Variants in RIF1 observed in about 807,000 individuals in gnomAD.
RIF1 encodes replication timing regulatory factor 1, also known as telomere-associated protein RIF1.
RIF1 carries 45 observed loss-of-function variants against 247.1 expected under a neutral mutation model. The ratio of observed to expected loss-of-function variants is 0.18; its 90% CI spans 0.14 to 0.23. The LOEUF is 0.23. Among genes scored for constraint, RIF1 ranks in the 10% least tolerant of loss-of-function variants. The pLI, the probability that RIF1 is intolerant of heterozygous loss-of-function variation, is 1.00. For missense variants in RIF1, 2,967 were observed against 2,862.5 expected, an observed-to-expected ratio of 1.04 and a Z score of -0.83; for synonymous variants, 1,087 against 978.8, an observed-to-expected ratio of 1.11 and a Z score of -2.06.
rs556224656 is a variant in RIF1, at chr2:151,491,680, C to T, written c.*416-3549C>T. 3.5e-5 allele frequency: 56 copies of T among 1,580,258 alleles called. No individual in the cohort carries two copies. The South Asian group carries it at 5.6e-4, about 16-fold the overall frequency. On this transcript the variant is annotated intron_variant and NMD_transcript_variant, in intron 9 of 13. Coordinates refer to the RIF1 transcript ENST00000454583. ...TGTTGTAAGCCTTTTTCAGCTAACA[C>T]ACCATTAATCATGTGTAAGCTTCGG...
At chr2:151,517,481 G>A in the RIF1 span, among the ~76,000 whole-genome samples, 2 of 152,214 alleles carry the variant, frequency 1.3e-5, no homozygotes, top group African/African-American at 4.8e-5. Context: ...TCATGTGATA[G>A]TAAGTTCTTT....
At chr2:151,533,507 C>G in the RIF1 span, 1 of 1,551,440 alleles carries the variant, frequency 6.4e-7, no homozygotes, top group East Asian at 2.4e-5. Flanking sequence ...TCATTACATC[C>G]ATGTTGCAGA....
chr2:151,512,886 C>G, downstream of RIF1: 1 of 1,283,584 alleles, frequency 7.8e-7, no homozygotes. Flanking sequence ...ATGTGCACAA[C>G]AGTTGTTGGC....
In RIF1 at chr2:151,480,936, G is replaced by T. The variant is rs1406016315; in HGVS notation, c.*5865G>T. 6.7e-6 allele frequency: 1 copy of T among 149,696 alleles called. No homozygotes were observed. Among genetic ancestry groups the T allele is most frequent in the Non-Finnish European group, 1.5e-5 (1 of 67,484 alleles). The allele number at this position is 149,696 out of a possible 1,614,324, so 9.3% of individuals were successfully genotyped here. A position where few individuals can be genotyped will look rare whatever the true frequency, so the allele number is the denominator to read the frequency against. On this transcript the variant is annotated 3_prime_UTR_variant, in exon 36 of 36. Transcript: ENST00000444746. ...TTGTACTATCTGTGAGCTGAGACTG[G>T]TTTTTACATTTTTTAATGGTGAAAA...
Position 151,428,925 on chromosome 2 carries a change from A to G in RIF1, c.925+3A>G. On this transcript the variant is annotated splice_donor_region_variant and intron_variant, in intron 9 of 35. Transcript: ENST00000444746. ...AGATAATTTTGCTTTAAATCCAGGT[A>G]AGTAATATTTTAACAATTTTGATTT... is the stretch of plus-strand genomic sequence containing the variant. 3.5e-6 allele frequency: 5 copies of G among 1,442,638 alleles called. No homozygotes were observed. Among genetic ancestry groups the G allele is most frequent in the African/African-American group, 1.4e-5 (1 of 71,180 alleles). The allele number at this position is 1,442,638 out of a possible 1,614,324, so 89.4% of individuals were successfully genotyped here.
At chr2:151,485,949 G>A, downstream of RIF1, 2 of 1,612,206 alleles carry the variant, frequency 1.2e-6, no homozygotes, top group South Asian at 1.1e-5. Flanking sequence ...CGTGGGGATG[G>A]AAAAGGGGAA....
intron 8 of RIF1, among the ~76,000 whole-genome samples, chr2:151,428,572 T>C (rs1230961892): frequency 2.0e-5 from 3 of 152,230 alleles, no homozygotes; most frequent in Non-Finnish European, 4.4e-5. Flanking sequence ...TTAGAATGTG[T>C]GTTTAAAGTT....
At chr2:151,443,939 TAA>T (rs766691233) in intron 18 of RIF1, among the ~76,000 whole-genome samples, 1 of 152,192 alleles carries the variant, frequency 6.6e-6, no homozygotes, top group Non-Finnish European at 1.5e-5. Context: ...GTAGTGATTA[TAA>T]ACCTAGAAGG....
chr2:151,499,201 T>A, intron 10 of RIF1: 3 of 623,852 alleles, frequency 4.8e-6, no homozygotes, highest in Non-Finnish European at 5.3e-6. Context: ...AGGTCAAATT[T>A]TTTATTGGGA....
rs1233909690 is a variant in RIF1, at chr2:151,431,797, GA to G, written c.926-1278del. Among the ~76,000 whole-genome samples the G allele has an allele frequency of 2.2e-3, 337 of 151,988 alleles. 1 individual carries two copies. The highest frequency in any genetic ancestry group is 7.7e-3 in the African/African-American group (321 of 41,462). On this transcript the variant is annotated intron_variant, in intron 9 of 35. Transcript: ENST00000444746. The stretch of plus-strand genomic sequence containing the variant: ...TCCGTCTCTGAATGAATGAATGAAT[GA>G]ATGAATGAATGAATGAACAAAAAGA...
chr2:151,465,102 C>T lies in RIF1; in HGVS notation c.5582C>T (p.Thr1861Ile). The T allele has an allele frequency of 6.2e-7, 1 of 1,608,024 alleles. No homozygotes were observed. The highest frequency in any genetic ancestry group is 8.5e-7 in the Non-Finnish European group (1 of 1,178,722). ...SQESPNENFKTVGPCLGDSKN... is the reference protein window; with the variant it reads ...SQESPNENFKIVGPCLGDSKN... ...GAGTCACCTAATGAAAATTTTAAAACTGTTGGCCCGTGTTTAGGAGACTCG... is the reference window on the plus strand; with the variant it reads ...GAGTCACCTAATGAAAATTTTAAAATTGTTGGCCCGTGTTTAGGAGACTCG... The change falls in exon 30 of 36, where the codon ACT becomes ATT. Residue 1861 changes from threonine to isoleucine, a missense_variant. By Grantham distance (89) the Thr-to-Ile change is moderately conservative. Coordinates refer to ENST00000444746, the MANE Select transcript of RIF1 (RefSeq NM_018151.5).
chr2:151,445,937 T>C (rs998920262), intron 19 of RIF1, among the ~76,000 whole-genome samples: 1 of 152,234 alleles, frequency 6.6e-6, no homozygotes, highest in Admixed American at 6.5e-5. Flanking sequence ...TGATAATTTT[T>C]GGTATCATGG....
chr2:151,448,478 T>G, intron 20 of RIF1, among the ~76,000 whole-genome samples: 1 of 152,228 alleles, frequency 6.6e-6, no homozygotes, highest in East Asian at 1.9e-4. Flanking sequence ...TTTATATACA[T>G]ATCCTCTACT....
chr2:151,417,047 A>G, intron 6 of RIF1, 146 bp downstream of exon 6: 1 of 622,092 alleles, frequency 1.6e-6, no homozygotes. Flanking sequence ...AAAGTAATAG[A>G]AAAAAGATGG....
chr2:151,459,707 G>A (rs1328318165), intron 25 of RIF1, among the ~76,000 whole-genome samples: 1 of 152,164 alleles, frequency 6.6e-6, no homozygotes, highest in East Asian at 1.9e-4. Flanking sequence ...GTTACAGGTA[G>A]AGTGTTTGAA....
intron 34 of RIF1, among the ~76,000 whole-genome samples, chr2:151,472,757 G>A (rs1443327696): frequency 6.6e-6 from 1 of 152,154 alleles, no homozygotes; most frequent in Non-Finnish European, 1.5e-5. Flanking sequence ...TTGATGTGCT[G>A]CTGGATTCGT....
intron 24 of RIF1, 110 bp downstream of exon 24, chr2:151,458,073 C>A: frequency 2.8e-6 from 2 of 709,698 alleles, no homozygotes. Flanking sequence ...CAGAGGATTC[C>A]TTAGTTGAAA....
At chr2:151,502,813 T>A (rs1267802273) in intron 11 of RIF1, 3 of 1,606,624 alleles carry the variant, frequency 1.9e-6, no homozygotes, top group Non-Finnish European at 2.6e-6. Context: ...TTCTCTTGAT[T>A]GCGTTTGACT....
At chr2:151,448,231 A>T (rs1205177134) in intron 20 of RIF1, among the ~76,000 whole-genome samples, 1 of 151,880 alleles carries the variant, frequency 6.6e-6, no homozygotes, top group Non-Finnish European at 1.5e-5. Context: ...TTTAGTAGAG[A>T]GGGGGTTTCA....
Sources: allele counts gnomAD v4.1 joint callset (sites outside exome capture counted in the v4.1 genomes callset), GRCh38; gene constraint gnomAD v4.1.1; transcripts MANE v1.5; gene names NCBI Gene and HGNC (gene_info 2026-07-23, HGNC 2026-07-21).